Variants in OTUD7A observed in about 807,000 individuals in gnomAD.
OTUD7A encodes OTU deubiquitinase 7A, also known as OTU domain-containing protein 7A.
A neutral mutation model predicts 65.7 loss-of-function variants in OTUD7A; 12 were observed. The observed-to-expected ratio is 0.18, with a 90% CI of 0.12 to 0.30. OTUD7A has a LOEUF of 0.30. OTUD7A is among the 10% of genes least tolerant of loss of function. The probability of loss-of-function intolerance (pLI) is 1.00; values close to 1 mark genes in which losing one functional copy is unlikely to be tolerated. For synonymous variants in OTUD7A, 641 were observed against 586.3 expected (o/e 1.09, Z -1.35); for missense variants, 1,148 against 1,304.8 (o/e 0.88, Z 1.85).
At chr15:31,741,793 A>C (rs1391981702) in intron 1 of OTUD7A, among the ~76,000 whole-genome samples, 1 of 152,042 alleles carries the variant, frequency 6.6e-6, no homozygotes, top group African/African-American at 2.4e-5. Context: ...AGCAAAATAA[A>C]CACAAAAAAA....
At chr15:31,807,447 G>A (rs928757542) in intron 1 of OTUD7A, among the ~76,000 whole-genome samples, 3 of 152,108 alleles carry the variant, frequency 2.0e-5, no homozygotes, top group Non-Finnish European at 2.9e-5. Context: ...TATTAAACTC[G>A]TACATGTTAT....
intron 3 of OTUD7A, among the ~76,000 whole-genome samples, chr15:31,654,294 C>T (rs1427376185): frequency 7.4e-6 from 1 of 134,274 alleles, no homozygotes; most frequent in Non-Finnish European, 1.6e-5. Flanking sequence ...TATGCTTTTG[C>T]CATTGCCATT....
At chr15:31,628,253 T>G (rs897308904) in intron 3 of OTUD7A, among the ~76,000 whole-genome samples, 3 of 152,240 alleles carry the variant, frequency 2.0e-5, no homozygotes, top group African/African-American at 7.2e-5. Flanking sequence ...TTAGTCTATC[T>G]TGAATTAATT....
intron 1 of OTUD7A, among the ~76,000 whole-genome samples, chr15:31,811,346 CGT>C (rs367699338): frequency 2.0e-5 from 3 of 150,414 alleles, no homozygotes; most frequent in African/African-American, 4.9e-5. Flanking sequence ...TGTGTAAGTG[CGT>C]GTGTGTGTGG....
At chr15:31,869,034 T>C (rs528211368) in intron 1 of OTUD7A, among the ~76,000 whole-genome samples, 1 of 152,220 alleles carries the variant, frequency 6.6e-6, no homozygotes, top group Non-Finnish European at 1.5e-5. Flanking sequence ...ATGTCAATAC[T>C]TTTGTCCCTT....
chr15:31,753,155 T>C (rs1015227186), intron 1 of OTUD7A, among the ~76,000 whole-genome samples: 4 of 152,056 alleles, frequency 2.6e-5, no homozygotes, highest in African/African-American at 9.7e-5. Flanking sequence ...CAAGCTAAGG[T>C]GCCAGCAGTT....
intron 3 of OTUD7A, among the ~76,000 whole-genome samples, chr15:31,573,148 G>T (rs1889102715): frequency 1.3e-5 from 2 of 151,996 alleles, no homozygotes; most frequent in Admixed American, 1.3e-4. Flanking sequence ...AGAAAATCAG[G>T]TTAGCAACAT....
rs544119527 is a variant in OTUD7A at position 31,479,272 on chromosome 15, G to A, written c.*4022C>T. ...CGAGGATGAAGCCAGGGCTGGTAAG[G>A]TCTGTCTGGCCCAGCAGGGCTTGCT... On this transcript the variant is annotated 3_prime_UTR_variant, in exon 13 of 13. Transcript: ENST00000307050. 6.6e-6 allele frequency: 1 copy of A among 152,328 alleles called. No homozygotes were observed. Among genetic ancestry groups the A allele is most frequent in the Admixed American group, 6.5e-5 (1 of 15,308 alleles). 9.4% of individuals were successfully genotyped at this position (152,328 alleles called of 1,614,324 possible). A position where few individuals can be genotyped will look rare whatever the true frequency, so the allele number is the denominator to read the frequency against.
At chr15:31,809,828 GC>G (rs1171447421) in intron 1 of OTUD7A, among the ~76,000 whole-genome samples, 1 of 152,182 alleles carries the variant, frequency 6.6e-6, no homozygotes, top group African/African-American at 2.4e-5. Flanking sequence ...ACAAACAAAA[GC>G]ACTTTATTTA....
intron 10 of OTUD7A, among the ~76,000 whole-genome samples, chr15:31,488,492 G>A (rs877548): frequency 0.04 from 6,035 of 152,224 alleles, 226 homozygotes; most frequent in African/African-American, 0.094. Flanking sequence ...AGGAGGAACT[G>A]GGAGATGGTC....
At position 31,558,985 on chromosome 15, in the gene OTUD7A, C is replaced by G; in HGVS notation, c.534G>C (p.Val178=). The part of the protein sequence containing the change: ...ERDLIEQATM[V]ALEQAGRLNW... Reference sequence around the variant, plus strand: ...GCAACTCACCTGCCTGCTCCAAAGCCACCATTGTTGCCTGCTCGATCAAGT... The same window carrying G: ...GCAACTCACCTGCCTGCTCCAAAGCGACCATTGTTGCCTGCTCGATCAAGT... Residue 178 remains valine, a synonymous_variant, in exon 5 of 13, where the codon GTG becomes GTC. Coordinates refer to ENST00000307050, the MANE Select transcript of OTUD7A (RefSeq NM_001382637.1). The G allele has an allele frequency of 1.2e-6, 2 of 1,614,212 alleles. No homozygotes were observed. Among genetic ancestry groups the G allele is most frequent in the South Asian group, 2.2e-5 (2 of 91,082 alleles).
At chr15:31,502,944 G>C (rs1453704957) in intron 9 of OTUD7A, among the ~76,000 whole-genome samples, 1 of 152,208 alleles carries the variant, frequency 6.6e-6, no homozygotes, top group African/African-American at 2.4e-5. Flanking sequence ...CTGATTCGTA[G>C]AGCTCCCTGG....
rs577463705 is a variant in OTUD7A at position 31,525,480 on chromosome 15, G to T, written c.893+869C>A. On this transcript the variant is annotated intron_variant, in intron 8 of 12. Transcript: ENST00000307050. ...CTTTTCCAGCCGGGGCCTCCAGGGA[G>T]AGCTGGCCCATGAGGCACTAGGCCC... Among the ~76,000 whole-genome samples, 4 of 152,352 alleles carry T rather than the reference G, an allele frequency of 2.6e-5. No individual in the cohort carries two copies. In the South Asian group the frequency reaches 8.3e-4, roughly 32 times the overall value.
At chr15:31,678,501 C>T (rs540951522) in intron 1 of OTUD7A, among the ~76,000 whole-genome samples, 3 of 152,302 alleles carry the variant, frequency 2.0e-5, no homozygotes, top group East Asian at 3.9e-4. Flanking sequence ...GGGTTGGGCC[C>T]AGGGCCTTGC....
chr15:31,832,881 C>T (rs2879291), intron 1 of OTUD7A, among the ~76,000 whole-genome samples: 81,184 of 152,060 alleles, frequency 0.53, 23,269 homozygotes, highest in East Asian at 0.69. Flanking sequence ...CACCTTTTTG[C>T]TACTGCTGCT....
chr15:31,565,592 T>C (rs996482452), intron 4 of OTUD7A, among the ~76,000 whole-genome samples: 3 of 152,116 alleles, frequency 2.0e-5, no homozygotes, highest in African/African-American at 7.2e-5. Context: ...GCAAAATAAA[T>C]ATTCAAAAAC....
chr15:31,656,858 G>A (rs765962282), intron 2 of OTUD7A, 125 bp downstream of exon 2: 2 of 152,278 alleles, frequency 1.3e-5, no homozygotes, highest in Non-Finnish European at 2.9e-5. Flanking sequence ...CCTGAGGACT[G>A]AGGGTCTCAG....
Position 31,476,752 on chromosome 15 carries a change from G to A in OTUD7A, c.*6542C>T, listed in dbSNP as rs1307859500. ...AAAACCACGGAAGTGGATTAAACAGGAGGACAAAGCCTTTAACCAGGCCAC... is the reference window on the plus strand; with the variant it reads ...AAAACCACGGAAGTGGATTAAACAGAAGGACAAAGCCTTTAACCAGGCCAC... On this transcript the variant is annotated 3_prime_UTR_variant, in exon 13 of 13. Transcript: ENST00000307050. The A allele has an allele frequency of 6.6e-6, 1 of 152,278 alleles. No homozygotes were observed. The allele number at this position is 152,278 out of a possible 1,614,324, so 9.4% of individuals were successfully genotyped here.
chr15:31,640,962 G>A (rs1891497073), intron 3 of OTUD7A, among the ~76,000 whole-genome samples: 1 of 152,070 alleles, frequency 6.6e-6, no homozygotes, highest in Admixed American at 6.5e-5. Context: ...TTTGATTACT[G>A]TACTCTTATG....
Sources: gnomAD v4.1 joint callset for allele counts (sites outside exome capture counted in the v4.1 genomes callset) on GRCh38, gnomAD v4.1.1 for gene constraint, MANE v1.5 for transcripts, NCBI Gene and HGNC (gene_info 2026-07-23, HGNC 2026-07-21) for gene names.